Variants in APP observed in about 807,000 individuals in gnomAD.
The protein encoded by APP is amyloid beta precursor protein, also known as amyloid-beta precursor protein.
Under a neutral mutation model 101.4 loss-of-function variants are expected in APP, and 31 were observed. The observed-to-expected ratio is 0.31, with a 90% CI of 0.23 to 0.41. The LOEUF (loss-of-function observed/expected upper bound fraction) is 0.41. Ranked by LOEUF, APP falls within the 10% of genes least tolerant of loss-of-function variation. The pLI is 1.00. For synonymous variants in APP, 366 were observed against 364.4 expected, an observed-to-expected ratio of 1.00 and a Z score of -0.05; for missense variants, 839 against 1,003.7, an observed-to-expected ratio of 0.84 and a Z score of 2.22.
At chr21:26,116,019 A>G (rs1365953694) in intron 1 of APP, among the ~76,000 whole-genome samples, 2 of 152,230 alleles carry the variant, frequency 1.3e-5, no homozygotes, top group South Asian at 2.1e-4. Flanking sequence ...TTTGTGGTCT[A>G]TGCTTTTCTA....
At chr21:26,145,909 A>G (rs753052031) in intron 1 of APP, among the ~76,000 whole-genome samples, 3 of 134,220 alleles carry the variant, frequency 2.2e-5, no homozygotes, top group African/African-American at 6.2e-5. Flanking sequence ...ATTCTACTGT[A>G]TAAGAGTTTT....
Position 25,881,559 on chromosome 21 carries a change from GTAAA to G in APP, c.*107_*110del, listed in dbSNP as rs1471181631. On this transcript the variant is annotated 3_prime_UTR_variant, in exon 18 of 18. Coordinates refer to ENST00000346798, the MANE Select transcript of APP (RefSeq NM_000484.4). The stretch of plus-strand genomic sequence containing the variant: ...CACAGCTGTCAAAAGGCGATAATGA[GTAAA>G]TCATAAAACGGGTTTGTTTCTTCCC... The G allele has an allele frequency of 7.9e-7, 1 of 1,261,088 alleles. No individual in the cohort carries two copies. The highest frequency in any genetic ancestry group is 1.2e-6 in the Non-Finnish European group (1 of 868,274). 78.1% of individuals were successfully genotyped at this position (1,261,088 alleles called of 1,614,324 possible). A position where few individuals can be genotyped will look rare whatever the true frequency, so the allele number is the denominator to read the frequency against.
At chr21:25,915,846 C>T (rs1402574590) in intron 13 of APP, among the ~76,000 whole-genome samples, 2 of 152,176 alleles carry the variant, frequency 1.3e-5, no homozygotes, top group Non-Finnish European at 2.9e-5. Flanking sequence ...AAAAGTTCCT[C>T]CAAATGGCCA....
intron 5 of APP, among the ~76,000 whole-genome samples, chr21:26,037,899 T>C (rs1214205181): frequency 6.6e-6 from 1 of 152,184 alleles, no homozygotes; most frequent in East Asian, 1.9e-4. Flanking sequence ...GATCAAACCT[T>C]TGATATATCT....
chr21:26,093,412 C>T (rs577975066), intron 2 of APP, among the ~76,000 whole-genome samples: 1 of 152,286 alleles, frequency 6.6e-6, no homozygotes, highest in East Asian at 1.9e-4. Context: ...TTTCTATAAA[C>T]CCAGTGGCAG....
At chr21:26,045,192 G>T (rs1342012353) in intron 5 of APP, among the ~76,000 whole-genome samples, 1 of 151,852 alleles carries the variant, frequency 6.6e-6, no homozygotes, top group Non-Finnish European at 1.5e-5. Context: ...AGGGAAGATG[G>T]CTATATTCTC....
intron 5 of APP, among the ~76,000 whole-genome samples, chr21:26,045,348 A>G (rs1407759903): frequency 1.3e-5 from 2 of 152,230 alleles, no homozygotes; most frequent in Non-Finnish European, 2.9e-5. Context: ...CAGTATTTGT[A>G]AGACGGATAT....
intron 1 of APP, among the ~76,000 whole-genome samples, chr21:26,164,917 G>C (rs1327400232): frequency 6.6e-6 from 1 of 150,724 alleles, no homozygotes; most frequent in African/African-American, 2.4e-5. Context: ...AAAAAACTAG[G>C]TATTTCCCAT....
chr21:25,986,428 G>A (rs1169180310), intron 8 of APP, among the ~76,000 whole-genome samples: 2 of 152,180 alleles, frequency 1.3e-5, no homozygotes, highest in African/African-American at 2.4e-5. Context: ...GATTTCGGCC[G>A]GATGGGGTGG....
At chr21:25,993,747 A>G (rs1416048630) in intron 8 of APP, among the ~76,000 whole-genome samples, 2 of 152,218 alleles carry the variant, frequency 1.3e-5, no homozygotes, top group Admixed American at 6.5e-5. Flanking sequence ...ACTCTAGAAC[A>G]GGATTCTCAA....
intron 13 of APP, among the ~76,000 whole-genome samples, chr21:25,931,715 G>A (rs879383519): frequency 1.3e-5 from 2 of 152,224 alleles, no homozygotes; most frequent in Non-Finnish European, 2.9e-5. Flanking sequence ...TGCTATCGGG[G>A]TGGAGGATAA....
At chr21:26,026,003 G>GA (rs1407753813) in intron 5 of APP, among the ~76,000 whole-genome samples, 4 of 152,168 alleles carry the variant, frequency 2.6e-5, no homozygotes, top group Non-Finnish European at 5.9e-5. Context: ...ACACTGAAAG[G>GA]AAAAAAATGA....
intron 3 of APP, among the ~76,000 whole-genome samples, chr21:26,085,452 A>C (rs2061684481): frequency 6.6e-6 from 1 of 152,200 alleles, no homozygotes; most frequent in Non-Finnish European, 1.5e-5. Flanking sequence ...AATTAGTAGG[A>C]TTTCCACAGT....
intron 13 of APP, among the ~76,000 whole-genome samples, chr21:25,949,518 AGGTCTTTAG>A (rs758691414): frequency 1.2e-4 from 19 of 152,346 alleles, no homozygotes; most frequent in Middle Eastern, 3.4e-3. Context: ...AGTTTTGGTC[AGGTCTTTAG>A]GGTTACGGAG....
intron 13 of APP, among the ~76,000 whole-genome samples, chr21:25,951,217 T>C (rs2041061486): frequency 6.6e-6 from 1 of 152,192 alleles, no homozygotes; most frequent in African/African-American, 2.4e-5. Flanking sequence ...TTAATGTCAA[T>C]TTTCCCCTTC....
intron 1 of APP, among the ~76,000 whole-genome samples, chr21:26,135,850 TCAGC>T (rs1389977857): frequency 1.3e-5 from 2 of 152,080 alleles, no homozygotes; most frequent in Non-Finnish European, 2.9e-5. Context: ...AATAGTTTTG[TCAGC>T]CAGGCACGGT....
intron 8 of APP, chr21:25,997,099 T>C: frequency 1.9e-6 from 1 of 523,614 alleles, no homozygotes; most frequent in Non-Finnish European, 3.4e-6. Flanking sequence ...GTCCATATAA[T>C]ATTCAATAAA....
At chr21:25,905,220 G>A (rs1421798842) in intron 14 of APP, 143 bp from the exon 15 acceptor site, 1 of 739,372 alleles carries the variant, frequency 1.4e-6, no homozygotes, top group Non-Finnish European at 2.4e-6. Context: ...AAGAACCACA[G>A]TGAGTTAATC....
chr21:26,066,982 T>G (rs1435792282), intron 3 of APP, among the ~76,000 whole-genome samples: 1 of 152,196 alleles, frequency 6.6e-6, no homozygotes, highest in Non-Finnish European at 1.5e-5. Context: ...TCTCTGCTAC[T>G]GCTGAGTATT....
Sources: allele counts gnomAD v4.1 joint callset (sites outside exome capture counted in the v4.1 genomes callset), GRCh38; gene constraint gnomAD v4.1.1; transcripts MANE v1.5; gene names NCBI Gene and HGNC (gene_info 2026-07-23, HGNC 2026-07-21).